KIAA1328: variants seen among roughly 807,000 people sequenced by gnomAD.
KIAA1328 encodes protein hinderin.
In KIAA1328, 52 loss-of-function variants were observed where a neutral mutation model predicts 68.1. The observed-to-expected ratio is 0.76, with a 90% confidence interval of 0.61 to 0.96. The LOEUF (loss-of-function observed/expected upper bound fraction) is 0.96. KIAA1328 is among the 40% of genes least tolerant of loss of function. KIAA1328 has a pLI of 0.00. For synonymous variants in KIAA1328, 232 were observed against 239.4 expected (o/e 0.97, Z 0.28); for missense variants, 641 against 677.6 (o/e 0.95, Z 0.60).
chr18:37,038,294 A>G (rs1240946338), intron 6 of KIAA1328, among the ~76,000 whole-genome samples: 3 of 152,074 alleles, frequency 2.0e-5, no homozygotes, highest in African/African-American at 7.2e-5. Context: ...TGCTTTTTAT[A>G]AAAAAGGAAA....
At chr18:37,112,405 A>G (rs1450432781) in intron 7 of KIAA1328, among the ~76,000 whole-genome samples, 1 of 152,194 alleles carries the variant, frequency 6.6e-6, no homozygotes, top group African/African-American at 2.4e-5. Flanking sequence ...TACCCAGGCA[A>G]ACAGCATCTG....
chr18:37,221,952 G>T (rs1460270288), intron 9 of KIAA1328, 65 bp from the exon 10 acceptor site: 2 of 1,502,370 alleles, frequency 1.3e-6, no homozygotes, highest in Non-Finnish European at 1.8e-6. Flanking sequence ...CATTTCTGCT[G>T]GGCTTCTTGA....
chr18:37,189,225 G>A (rs1189576798), intron 9 of KIAA1328, among the ~76,000 whole-genome samples: 4 of 152,110 alleles, frequency 2.6e-5, no homozygotes, highest in African/African-American at 9.7e-5. Context: ...AAGTATTTAG[G>A]TATAAAAAGC....
intron 6 of KIAA1328, among the ~76,000 whole-genome samples, chr18:37,025,328 A>C (rs1378044164): frequency 1.3e-5 from 2 of 152,194 alleles, no homozygotes; most frequent in Admixed American, 6.5e-5. Context: ...TCAGAAAGCT[A>C]ACAAGGATAT....
chr18:36,982,328 T>C (rs1364138432), intron 6 of KIAA1328, among the ~76,000 whole-genome samples: 1 of 150,840 alleles, frequency 6.6e-6, no homozygotes, highest in African/African-American at 2.4e-5. Context: ...AACACATGTA[T>C]ACCAAAGCAC....
At chr18:37,104,641 T>G (rs2057718161) in intron 7 of KIAA1328, among the ~76,000 whole-genome samples, 3 of 152,214 alleles carry the variant, frequency 2.0e-5, no homozygotes, top group Admixed American at 6.5e-5. Context: ...AGCTAGAAGA[T>G]TTGATATTTT....
Position 37,166,941 on chromosome 18 carries a change from C to A in KIAA1328, c.1415-6032C>A, listed in dbSNP as rs115491749. On this transcript the variant is annotated intron_variant, in intron 8 of 9. Transcript: ENST00000280020. ...TGAATCAGTAATCAAAACCTCCCAA[C>A]AAAACAAGCCCAGGACCAGATGGCT... Among the ~76,000 whole-genome samples the A allele has an allele frequency of 2.9e-3, 446 of 152,294 alleles. 3 individuals carry two copies. Among genetic ancestry groups the A allele is most frequent in the African/African-American group, 0.01 (430 of 41,568 alleles).
intron 7 of KIAA1328, among the ~76,000 whole-genome samples, chr18:37,139,753 A>T (rs559490319): frequency 6.6e-6 from 1 of 152,320 alleles, no homozygotes; most frequent in South Asian, 2.1e-4. Flanking sequence ...CTTTTCCTCC[A>T]GTAAAGCAGA....
At chr18:36,955,213 C>A (rs1393646263) in intron 5 of KIAA1328, among the ~76,000 whole-genome samples, 2 of 151,262 alleles carry the variant, frequency 1.3e-5, no homozygotes, top group Non-Finnish European at 2.9e-5. Flanking sequence ...CTCGGTGCAA[C>A]CTCCGCTTCC....
chr18:37,071,470 GGCAATAAATAAT>G (rs1313468694), intron 7 of KIAA1328, among the ~76,000 whole-genome samples: 1 of 151,504 alleles, frequency 6.6e-6, no homozygotes, highest in Non-Finnish European at 1.5e-5. Flanking sequence ...AATAGTTGGG[GGCAATAAATAAT>G]GCAACAATAA....
chr18:36,905,591 G>A (rs1246195361), intron 5 of KIAA1328, among the ~76,000 whole-genome samples: 3 of 151,930 alleles, frequency 2.0e-5, no homozygotes. Context: ...GTACTTTTCT[G>A]TTCAATTTTT....
chr18:36,906,644 C>T (rs2049234097), intron 5 of KIAA1328, among the ~76,000 whole-genome samples: 1 of 151,922 alleles, frequency 6.6e-6, no homozygotes. Context: ...TTATGGGGTA[C>T]ATGAGATATT....
At chr18:37,065,676 G>T (rs9965261) in intron 6 of KIAA1328, among the ~76,000 whole-genome samples, 8,637 of 152,214 alleles carry the variant, frequency 0.057, 304 homozygotes, top group East Asian at 0.19. Context: ...CTTCAGTTTA[G>T]TTTGATTAAG....
At chr18:36,956,761 C>T (rs1002260555) in intron 5 of KIAA1328, among the ~76,000 whole-genome samples, 9 of 152,098 alleles carry the variant, frequency 5.9e-5, no homozygotes, top group Non-Finnish European at 1.2e-4. Flanking sequence ...AATATGTTCA[C>T]CTACTATAAA....
At chr18:37,012,894 A>G (rs1038117626) in intron 6 of KIAA1328, among the ~76,000 whole-genome samples, 2 of 152,000 alleles carry the variant, frequency 1.3e-5, no homozygotes, top group Non-Finnish European at 2.9e-5. Flanking sequence ...ATTGTTTCAG[A>G]ATTGAAAAGT....
At chr18:37,190,967 G>T (rs1386100186) in intron 9 of KIAA1328, among the ~76,000 whole-genome samples, 1 of 152,166 alleles carries the variant, frequency 6.6e-6, no homozygotes, top group African/African-American at 2.4e-5. Flanking sequence ...TCTTTTTACT[G>T]CTAGAGCACT....
intron 5 of KIAA1328, chr18:36,895,819 C>T: frequency 2.2e-6 from 1 of 455,474 alleles, no homozygotes; most frequent in Non-Finnish European, 4.4e-6. Context: ...AATCCAATGA[C>T]TGTTGTCCTA....
chr18:37,022,057 TTAAAATAAAATAAAA>T (rs757915141), intron 6 of KIAA1328, among the ~76,000 whole-genome samples: 3 of 151,188 alleles, frequency 2.0e-5, no homozygotes, highest in African/African-American at 7.3e-5. Flanking sequence ...AATTAATTAA[TTAAAATAAAATAAAA>T]TAAAATAAAA....
At position 37,076,777 on chromosome 18, in the gene KIAA1328, A is replaced by T. The variant is rs867019620; in HGVS notation, c.1232+9232A>T. 5.9e-5 allele frequency among the ~76,000 whole-genome samples: 9 copies of T among 152,176 alleles called. No homozygotes were observed. In the Middle Eastern group the frequency reaches 0.014, roughly 232 times the overall value. ...TCGACACATACACCCTCCCAAGACT[A>T]AACCAGGAAGAAGTTGAATCTCTGA... On this transcript the variant is annotated intron_variant, in intron 7 of 9. Coordinates refer to ENST00000280020, the MANE Select transcript of KIAA1328 (RefSeq NM_020776.3).
Sources: gnomAD v4.1 joint callset for allele counts (sites outside exome capture counted in the v4.1 genomes callset) on GRCh38, gnomAD v4.1.1 for gene constraint, MANE v1.5 for transcripts, NCBI Gene and HGNC (gene_info 2026-07-23, HGNC 2026-07-21) for gene names.